Variants in RANBP2 observed in about 807,000 individuals in gnomAD.
The protein encoded by RANBP2 is E3 SUMO-protein ligase RanBP2.
RANBP2 carries 57 observed loss-of-function variants against 303.6 expected under a neutral mutation model. The observed-to-expected ratio is 0.19, with a 90% confidence interval of 0.15 to 0.23. The LOEUF (loss-of-function observed/expected upper bound fraction) is 0.23. Among genes scored for constraint, RANBP2 ranks in the 10% least tolerant of loss-of-function variants. The pLI is 1.00. For missense variants in RANBP2, 3,138 were observed against 3,780.8 expected, an observed-to-expected ratio of 0.83 and a Z score of 4.46; for synonymous variants, 1,167 against 1,301.5, an observed-to-expected ratio of 0.90 and a Z score of 2.23.
intron 6 of RANBP2, among the ~76,000 whole-genome samples, chr2:108,737,185 C>T (rs1485852775): frequency 6.6e-6 from 1 of 152,096 alleles, no homozygotes; most frequent in Non-Finnish European, 1.5e-5. Flanking sequence ...AAAGAACTAA[C>T]ATAACTTTAA....
the RANBP2 span, among the ~76,000 whole-genome samples, chr2:109,674,347 G>A: frequency 7.4e-6 from 1 of 135,104 alleles, no homozygotes; most frequent in Admixed American, 8.7e-5. Flanking sequence ...GGTGAGGCAT[G>A]AAGATCGCTT....
the RANBP2 span, among the ~76,000 whole-genome samples, chr2:109,318,875 C>T: frequency 1.3e-5 from 2 of 152,224 alleles, no homozygotes; most frequent in Non-Finnish European, 2.9e-5. Context: ...GGAACCAAAG[C>T]CAGCTGGAAT....
the RANBP2 span, among the ~76,000 whole-genome samples, chr2:108,827,886 A>T: frequency 6.6e-6 from 1 of 152,020 alleles, no homozygotes; most frequent in African/African-American, 2.4e-5. Context: ...TTCCTGAAAA[A>T]AATTCATCAG....
At chr2:108,910,326 G>A in the RANBP2 span, 1 of 718,884 alleles carries the variant, frequency 1.4e-6, no homozygotes, top group Non-Finnish European at 2.4e-6. Context: ...AGGTGGTGGG[G>A]ACTGTCTGTC....
At chr2:109,347,806 C>T in the RANBP2 span, 25 of 1,613,880 alleles carry the variant, frequency 1.5e-5, no homozygotes, top group South Asian at 2.6e-4. Flanking sequence ...CCACGGCGAG[C>T]TGCACGGCAC....
At chr2:108,760,876 C>T (rs913323773) in intron 18 of RANBP2, among the ~76,000 whole-genome samples, 1 of 152,028 alleles carries the variant, frequency 6.6e-6, no homozygotes, top group African/African-American at 2.4e-5. Flanking sequence ...ATTTTTTTGA[C>T]CTGAACATTC....
the RANBP2 span, among the ~76,000 whole-genome samples, chr2:108,817,303 T>C: frequency 2.6e-5 from 4 of 151,938 alleles, no homozygotes; most frequent in African/African-American, 4.8e-5. Context: ...TTTTTTCTTT[T>C]TTTTTTTTGA....
the RANBP2 span, among the ~76,000 whole-genome samples, chr2:109,215,941 C>T: frequency 2.0e-5 from 3 of 152,210 alleles, no homozygotes; most frequent in South Asian, 2.1e-4. Flanking sequence ...ACCGTGCCAG[C>T]GGCCACGTGA....
the RANBP2 span, among the ~76,000 whole-genome samples, chr2:109,454,764 C>T: frequency 6.6e-6 from 1 of 152,212 alleles, no homozygotes; most frequent in East Asian, 1.9e-4. Context: ...TGTGCGAGTC[C>T]TGACATAAAA....
At chr2:109,276,450 C>A in the RANBP2 span, among the ~76,000 whole-genome samples, 1 of 152,050 alleles carries the variant, frequency 6.6e-6, no homozygotes, top group African/African-American at 2.4e-5. Flanking sequence ...CCTCCGGGAC[C>A]CAGGGAGGGC....
the RANBP2 span, among the ~76,000 whole-genome samples, chr2:108,916,126 G>A: frequency 1.4e-4 from 21 of 152,092 alleles, no homozygotes; most frequent in African/African-American, 5.1e-4. Flanking sequence ...GAGCATAGGG[G>A]CATCATGGCA....
chr2:109,189,405 G>T, the RANBP2 span, among the ~76,000 whole-genome samples: 6 of 146,902 alleles, frequency 4.1e-5, no homozygotes, highest in African/African-American at 1.5e-4. Flanking sequence ...CGGAGTCTCT[G>T]TCGCCCAGGC....
chr2:108,971,559 T>C, the RANBP2 span, among the ~76,000 whole-genome samples: 3 of 151,668 alleles, frequency 2.0e-5, no homozygotes, highest in Admixed American at 1.3e-4. Context: ...AAATGTTTAG[T>C]AAATAAATAC....
the RANBP2 span, among the ~76,000 whole-genome samples, chr2:109,619,544 T>C: frequency 6.6e-6 from 1 of 152,178 alleles, no homozygotes; most frequent in Non-Finnish European, 1.5e-5. Flanking sequence ...TGGTACTCCT[T>C]TGGTGTAATC....
At chr2:109,314,902 C>T in the RANBP2 span, among the ~76,000 whole-genome samples, 106 of 152,296 alleles carry the variant, frequency 7.0e-4, 1 homozygote, top group African/African-American at 2.3e-3. Flanking sequence ...GCTAAGCCCT[C>T]GCTGGTGACC....
the RANBP2 span, among the ~76,000 whole-genome samples, chr2:109,146,881 T>TC: frequency 3.5e-3 from 27 of 7,800 alleles, no homozygotes; most frequent in South Asian, 0.017. Flanking sequence ...TCTTCTTTTT[T>TC]CCCTCCCCCC....
At chr2:108,859,196 GTCT>G in the RANBP2 span, among the ~76,000 whole-genome samples, 1 of 152,154 alleles carries the variant, frequency 6.6e-6, no homozygotes, top group African/African-American at 2.4e-5. Context: ...CTACTTGTAT[GTCT>G]TCTTTTGAGA....
chr2:109,214,867 A>G, the RANBP2 span, among the ~76,000 whole-genome samples: 79 of 152,296 alleles, frequency 5.2e-4, no homozygotes, highest in African/African-American at 1.4e-3. Flanking sequence ...CGCGGACAGC[A>G]GTGTTTTGGG....
the RANBP2 span, among the ~76,000 whole-genome samples, chr2:109,483,218 G>A: frequency 2.6e-5 from 4 of 152,210 alleles, no homozygotes; most frequent in South Asian, 4.2e-4. Context: ...GAAAATTTCC[G>A]AACATAAAAT....
Sources: allele counts gnomAD v4.1 joint callset (sites outside exome capture counted in the v4.1 genomes callset), GRCh38; gene constraint gnomAD v4.1.1; transcripts MANE v1.5; gene names NCBI Gene and HGNC (gene_info 2026-07-23, HGNC 2026-07-21).